DNASE1: variants seen among roughly 807,000 people sequenced by gnomAD.
The protein encoded by DNASE1 is deoxyribonuclease 1, also known as deoxyribonuclease-1.
In DNASE1, 40 loss-of-function variants were observed where a neutral mutation model predicts 33.9. The ratio of observed to expected loss-of-function variants is 1.18; its 90% confidence interval spans 0.92 to 1.54. The LOEUF is 1.54. DNASE1 is among the 40% of genes most tolerant of loss of function. DNASE1 has a pLI of 0.00. For missense variants in DNASE1, 518 were observed against 372.6 expected (o/e 1.39, Z -3.21); for synonymous variants, 216 against 160.0 (o/e 1.35, Z -2.64).
At chr16:3,647,659 C>T (rs2042214460) in intron 1 of DNASE1, among the ~76,000 whole-genome samples, 1 of 152,108 alleles carries the variant, frequency 6.6e-6, no homozygotes, top group African/African-American at 2.4e-5. Flanking sequence ...TGAAGCAAAT[C>T]CCAGGTACTG....
At chr16:3,663,686 T>C in exon 10 of DNASE1, 5 of 1,263,508 alleles carry the variant, frequency 4.0e-6, no homozygotes, top group East Asian at 2.5e-5. Context: ...ACCGGGGCAG[T>C]TGGGGTTCCT....
downstream of DNASE1, chr16:3,662,861 C>G (rs2043165808): frequency 6.2e-7 from 1 of 1,612,634 alleles, no homozygotes; most frequent in Non-Finnish European, 8.5e-7. Flanking sequence ...AAGTGGTGGT[C>G]CATCCCCGGG....
At chr16:3,619,976 C>G (rs1287411366) in intron 1 of DNASE1, among the ~76,000 whole-genome samples, 1 of 144,394 alleles carries the variant, frequency 6.9e-6, no homozygotes, top group African/African-American at 2.6e-5. Context: ...AGTGCAGTGG[C>G]ATAATCTCGC....
At chr16:3,643,674 A>G (rs2042086798) in intron 1 of DNASE1, among the ~76,000 whole-genome samples, 1 of 152,270 alleles carries the variant, frequency 6.6e-6, no homozygotes, top group Admixed American at 6.5e-5. Context: ...AAGAAAGGTG[A>G]CAGACCCACA....
At chr16:3,662,241 T>A, downstream of DNASE1, 1 of 1,340,256 alleles carries the variant, frequency 7.5e-7, no homozygotes, top group Admixed American at 2.3e-5. Context: ...GCAGGCGGGG[T>A]CTCAAGGACT....
chr16:3,655,780 C>T, intron 2 of DNASE1, 69 bp from the exon 3 acceptor site: 11 of 1,582,102 alleles, frequency 7.0e-6, no homozygotes, highest in South Asian at 1.1e-5. Flanking sequence ...GCTGTGGCTC[C>T]CTTTGTGGCG....
chr16:3,661,457 TG>T (rs2043069529), downstream of DNASE1: 1 of 151,818 alleles, frequency 6.6e-6, no homozygotes, highest in African/African-American at 2.4e-5. Context: ...CCCAGACACG[TG>T]GACAAGAATA....
At chr16:3,659,763 A>C (rs2042959945), downstream of DNASE1, 1 of 151,028 alleles carries the variant, frequency 6.6e-6, no homozygotes, top group South Asian at 2.1e-4. Context: ...ATAGATAGAT[A>C]GATAGATAGA....
intron 1 of DNASE1, among the ~76,000 whole-genome samples, chr16:3,630,813 G>T (rs2041673546): frequency 2.0e-5 from 3 of 151,862 alleles, no homozygotes; most frequent in African/African-American, 7.3e-5. Context: ...TCTAGCCTGA[G>T]CAACATAGAG....
At chr16:3,656,956 G>A (rs1379829047) in intron 5 of DNASE1, 43 bp from the exon 6 acceptor site, 2 of 1,602,284 alleles carry the variant, frequency 1.2e-6, no homozygotes, top group Non-Finnish European at 1.7e-6. Context: ...GACTGAACCT[G>A]CCCCCAGGGA....
At chr16:3,612,468 C>G (rs1380916087) in intron 1 of DNASE1, among the ~76,000 whole-genome samples, 5 of 151,578 alleles carry the variant, frequency 3.3e-5, no homozygotes, top group Non-Finnish European at 5.9e-5. Context: ...CCAGGCTGGT[C>G]TCCAACTCCT....
chr16:3,636,543 C>T (rs551689112), intron 1 of DNASE1, among the ~76,000 whole-genome samples: 10 of 152,154 alleles, frequency 6.6e-5, no homozygotes, highest in Non-Finnish European at 1.2e-4. Flanking sequence ...CTGAGGAGGC[C>T]GGGCATGGTG....
intron 1 of DNASE1, among the ~76,000 whole-genome samples, chr16:3,627,579 CT>C (rs1327522550): frequency 6.6e-6 from 1 of 152,116 alleles, no homozygotes; most frequent in African/African-American, 2.4e-5. Context: ...TCTGTGTTTT[CT>C]TTTGTTTCCT....
intron 1 of DNASE1, among the ~76,000 whole-genome samples, chr16:3,621,097 C>G (rs946186596): frequency 6.6e-6 from 1 of 151,912 alleles, no homozygotes; most frequent in African/African-American, 2.4e-5. Flanking sequence ...TGTGCCCGGC[C>G]TATTTTATAT....
At chr16:3,617,513 A>C (rs1485686396) in intron 1 of DNASE1, among the ~76,000 whole-genome samples, 1 of 152,152 alleles carries the variant, frequency 6.6e-6, no homozygotes, top group African/African-American at 2.4e-5. Context: ...AAGACAACCC[A>C]CAGAATGGGA....
rs755327078 is a variant in DNASE1, at chr16:3,656,701, C to G, written c.384C>G (p.Asn128Lys). 30 of 1,613,102 alleles carry G rather than the reference C, an allele frequency of 1.9e-5. No individual in the cohort carries two copies. The highest frequency in any genetic ancestry group is 6.6e-5 in the South Asian group (6 of 90,806). Residue 128 changes from asparagine to lysine, a missense_variant, in exon 5 of 9, where the codon AAC (asparagine) becomes AAG (lysine). By Grantham distance (94) the Asn-to-Lys change is moderately conservative. Coordinates refer to ENST00000246949, the MANE Select transcript of DNASE1 (RefSeq NM_005223.4). Reference sequence around the variant, plus strand: ...ATGATGGCTGCGAGCCCTGCGGGAACGACACCTTCAACCGAGAGCCAGCCA... The same window carrying G: ...ATGATGGCTGCGAGCCCTGCGGGAAGGACACCTTCAACCGAGAGCCAGCCA... ...YYDDGCEPCG[N>K]DTFNREPAIV...
In DNASE1 at chr16:3,657,405, G is replaced by T; in HGVS notation, c.704+64G>T. 5.0e-6 allele frequency: 8 copies of T among 1,592,840 alleles called. No individual in the cohort carries two copies. In the South Asian group the frequency reaches 8.9e-5, roughly 18 times the overall value. On this transcript the variant is annotated intron_variant, in intron 7 of 8. Transcript: ENST00000246949. ...CTCCAAGGGCAGCCGTGACTCATAG[G>T]TCGGGCTTCAGAAGCCTCAAAGCCT...
chr16:3,663,493 GCTT>G lies in DNASE1; in HGVS notation c.*5547_*5549del, dbSNP rs772605434. The G allele has an allele frequency of 5.0e-5, 80 of 1,614,070 alleles. 1 individual carries two copies. Among genetic ancestry groups the G allele is most frequent in the South Asian group, 4.3e-4 (39 of 91,090 alleles). Reference sequence around the variant, plus strand: ...ACTATGTCCGTCTCCACAGAGATCAGCTTCTTCTTGTCAAACTCACGAAGGTGC... The same window carrying G: ...ACTATGTCCGTCTCCACAGAGATCAGCTTCTTGTCAAACTCACGAAGGTGC... On this transcript the variant is annotated 3_prime_UTR_variant, in exon 10 of 10. Coordinates refer to the DNASE1 transcript ENST00000407479.
chr16:3,654,542 A>G, upstream of DNASE1: 4 of 398,646 alleles, frequency 1.0e-5, no homozygotes, highest in Admixed American at 4.4e-5. Context: ...GGGAGACTGG[A>G]GCCCAGCCCC....
Sources: allele counts gnomAD v4.1 joint callset (sites outside exome capture counted in the v4.1 genomes callset), GRCh38; gene constraint gnomAD v4.1.1; transcripts MANE v1.5; gene names NCBI Gene and HGNC (gene_info 2026-07-23, HGNC 2026-07-21).